Variants in RBFOX1 observed in about 807,000 individuals in gnomAD.
RBFOX1 encodes RNA binding protein fox-1 homolog 1.
A neutral mutation model predicts 57.7 loss-of-function variants in RBFOX1; 8 were observed. The observed-to-expected ratio is 0.14, with a 90% confidence interval of 0.08 to 0.25. The LOEUF (loss-of-function observed/expected upper bound fraction) is 0.25, where lower values mean the gene tolerates loss of function less well. RBFOX1 is among the 10% of genes least tolerant of loss of function. The pLI is 1.00. For synonymous variants in RBFOX1, 326 were observed against 222.4 expected, an observed-to-expected ratio of 1.47 and a Z score of -4.15; for missense variants, 611 against 548.5, an observed-to-expected ratio of 1.11 and a Z score of -1.14.
intron 3 of RBFOX1, among the ~76,000 whole-genome samples, chr16:6,693,382 C>A (rs895004356): frequency 2.0e-5 from 3 of 150,876 alleles, no homozygotes; most frequent in Non-Finnish European, 4.4e-5. Flanking sequence ...CATCCTACTC[C>A]ACTAGAATCA....
chr16:7,663,878 C>G (rs570917974), intron 12 of RBFOX1, among the ~76,000 whole-genome samples: 21 of 152,300 alleles, frequency 1.4e-4, no homozygotes, highest in East Asian at 9.7e-4. Context: ...CAGTTTCTCA[C>G]GACCACGTAG....
chr16:6,947,013 A>T (rs1230841464), intron 3 of RBFOX1, among the ~76,000 whole-genome samples: 1 of 152,182 alleles, frequency 6.6e-6, no homozygotes, highest in Non-Finnish European at 1.5e-5. Flanking sequence ...GGGTTGAGCA[A>T]GTCCCTTCAC....
At chr16:7,064,014 G>T (rs1371994663) in intron 4 of RBFOX1, among the ~76,000 whole-genome samples, 1 of 152,164 alleles carries the variant, frequency 6.6e-6, no homozygotes. Context: ...TATATGGGCT[G>T]AGTTGTGTCC....
chr16:6,283,649 G>T (rs1435159089), intron 1 of RBFOX1, among the ~76,000 whole-genome samples: 1 of 152,170 alleles, frequency 6.6e-6, no homozygotes, highest in Admixed American at 6.5e-5. Context: ...TCATCCCTTT[G>T]TCCCTACGTG....
At chr16:5,618,338 TTTTG>T (rs1314522661) in intron 3 of RBFOX1, among the ~76,000 whole-genome samples, 3 of 143,574 alleles carry the variant, frequency 2.1e-5, no homozygotes, top group Admixed American at 1.4e-4. Flanking sequence ...GATTTTTTTT[TTTTG>T]TGTGTGTGTG....
chr16:6,226,376 A>AAG (rs1555563412), intron 1 of RBFOX1, among the ~76,000 whole-genome samples: 2 of 149,380 alleles, frequency 1.3e-5, no homozygotes, highest in East Asian at 4.0e-4. Context: ...TCTGTCTCCA[A>AAG]AAAAAAAAAA....
intron 4 of RBFOX1, among the ~76,000 whole-genome samples, chr16:7,418,488 T>G (rs141179332): frequency 6.2e-4 from 95 of 152,322 alleles, no homozygotes; most frequent in Middle Eastern, 3.4e-3. Context: ...ACGCATTCTG[T>G]GTCTCTGCCT....
chr16:6,593,213 G>A (rs780024648), intron 2 of RBFOX1, among the ~76,000 whole-genome samples: 1 of 152,018 alleles, frequency 6.6e-6, no homozygotes, highest in Non-Finnish European at 1.5e-5. Flanking sequence ...ATAAAAAAGA[G>A]AGTGGAGATC....
At chr16:5,985,021 C>T (rs1458650282) in intron 4 of RBFOX1, among the ~76,000 whole-genome samples, 13 of 132,368 alleles carry the variant, frequency 9.8e-5, no homozygotes, top group South Asian at 2.5e-4. Context: ...TTCACTCTGT[C>T]GCCCAGGCTG....
intron 4 of RBFOX1, among the ~76,000 whole-genome samples, chr16:5,870,899 G>A (rs1382460306): frequency 6.6e-6 from 1 of 151,686 alleles, no homozygotes; most frequent in Non-Finnish European, 1.5e-5. Flanking sequence ...ACAAACAGTT[G>A]TAATTTAAGC....
rs185786558 is a variant in RBFOX1, at chr16:6,994,795, T to A, written c.-15-57262T>A. ...CATTTATATATGTTACCGACCAAATTGCATGGAAACGATTTGCTTTCAGAG... is the reference window on the plus strand; with the variant it reads ...CATTTATATATGTTACCGACCAAATAGCATGGAAACGATTTGCTTTCAGAG... On this transcript the variant is annotated intron_variant, in intron 3 of 15. Transcript: ENST00000550418. Among the ~76,000 whole-genome samples, 283 of 152,310 alleles carry A rather than the reference T, an allele frequency of 1.9e-3. 5 individuals are homozygous for A. Among genetic ancestry groups the A allele is most frequent in the African/African-American group, 6.5e-3 (270 of 41,578 alleles).
intron 2 of RBFOX1, among the ~76,000 whole-genome samples, chr16:5,554,090 C>A (rs2045577497): frequency 6.6e-6 from 1 of 151,648 alleles, no homozygotes; most frequent in African/African-American, 2.4e-5. Context: ...CTGCCTTAAT[C>A]CTCCCGAGTA....
rs547983160 is a variant in RBFOX1, at chr16:6,211,121, C to T, written c.-126-105874C>T. Among the ~76,000 whole-genome samples the T allele has an allele frequency of 2.6e-4, 30 of 117,208 alleles. 1 individual carries two copies. The South Asian group carries it at 2.9e-3, about 11-fold the overall frequency. 76.9% of individuals were successfully genotyped at this position (117,208 alleles called of 152,430 possible). A position where few individuals can be genotyped will look rare whatever the true frequency, so the allele number is the denominator to read the frequency against. On this transcript the variant is annotated intron_variant, in intron 1 of 15. Transcript: ENST00000550418. ...CCTTACTCCAGGGGATGTGGCCTAA[C>T]GGCAGACTGGACAGTAACCATGAGA...
intron 1 of RBFOX1, among the ~76,000 whole-genome samples, chr16:5,364,868 C>A (rs74003893): frequency 1.3e-5 from 2 of 152,074 alleles, no homozygotes; most frequent in African/African-American, 4.8e-5. Flanking sequence ...GATTTGGACC[C>A]CATCTGTGAA....
intron 4 of RBFOX1, among the ~76,000 whole-genome samples, chr16:7,360,775 G>C (rs1033370747): frequency 1.3e-5 from 2 of 152,152 alleles, no homozygotes; most frequent in Non-Finnish European, 2.9e-5. Flanking sequence ...TGTTGGCCAA[G>C]TCTTCTTTTC....
intron 4 of RBFOX1, among the ~76,000 whole-genome samples, chr16:7,222,032 T>G (rs947330493): frequency 6.6e-6 from 1 of 152,236 alleles, no homozygotes; most frequent in Non-Finnish European, 1.5e-5. Flanking sequence ...TGTCAGTCAC[T>G]TAAAATTTTT....
intron 3 of RBFOX1, among the ~76,000 whole-genome samples, chr16:5,691,649 G>A (rs2050683616): frequency 6.6e-6 from 1 of 152,208 alleles, no homozygotes; most frequent in Non-Finnish European, 1.5e-5. Context: ...TCCAATGAGA[G>A]TCATGTTGGT....
chr16:7,382,008 A>C (rs1006527247), intron 4 of RBFOX1, among the ~76,000 whole-genome samples: 1 of 152,184 alleles, frequency 6.6e-6, no homozygotes, highest in African/African-American at 2.4e-5. Context: ...ACGCGATTGG[A>C]TTCTTAAGTT....
At chr16:5,529,694 T>C (rs9938353) in intron 2 of RBFOX1, among the ~76,000 whole-genome samples, 1 of 151,648 alleles carries the variant, frequency 6.6e-6, no homozygotes, top group East Asian at 1.9e-4. Context: ...ACCATCCCGA[T>C]TAGCTGGGAT....
Sources: allele counts gnomAD v4.1 joint callset (sites outside exome capture counted in the v4.1 genomes callset), GRCh38; gene constraint gnomAD v4.1.1; transcripts MANE v1.5; gene names NCBI Gene and HGNC (gene_info 2026-07-23, HGNC 2026-07-21).